The following GALNT9 variants were observed in gnomAD, a reference collection of about 807,000 sequenced individuals.
The protein encoded by GALNT9 is GalNAc transferase 9.
Under a neutral mutation model 63.1 loss-of-function variants are expected in GALNT9, and 47 were observed. That is an observed-to-expected ratio of 0.75 (90% CI 0.59 to 0.95). The LOEUF (loss-of-function observed/expected upper bound fraction) is 0.95, where lower values mean the gene tolerates loss of function less well. Among genes scored for constraint, GALNT9 ranks in the 40% least tolerant of loss-of-function variants. The pLI is 0.00. For missense variants in GALNT9, 829 were observed against 874.8 expected (o/e 0.95, Z 0.66); for synonymous variants, 396 against 365.7 (o/e 1.08, Z -0.94).
intron 5 of GALNT9, among the ~76,000 whole-genome samples, chr12:132,254,028 T>G (rs1317369094): frequency 6.6e-6 from 1 of 151,588 alleles, no homozygotes. Context: ...GTTTTTTCTT[T>G]TTTTTTTTTT....
intron 2 of GALNT9, 88 bp from the exon 3 acceptor site, chr12:132,262,713 C>T (rs1555239897): frequency 6.9e-7 from 1 of 1,449,768 alleles, no homozygotes; most frequent in African/African-American, 1.4e-5. Flanking sequence ...CTGCAGGAGA[C>T]ACGGTTTGGG....
chr12:132,241,439 C>A (rs2136901448), intron 6 of GALNT9, among the ~76,000 whole-genome samples: 40 of 19,704 alleles, frequency 2.0e-3, no homozygotes, highest in East Asian at 3.4e-3. Flanking sequence ...CACGCCACAC[C>A]CCCTTCCCGG....
At position 132,286,141 on chromosome 12, in the gene GALNT9, GCC is replaced by G. The variant is rs1880577829; in HGVS notation, c.419+107_419+108del. On this transcript the variant is annotated intron_variant, in intron 2 of 10. Transcript: ENST00000328957. This position sits in a 1 kb window ranked among gnomAD's most constrained non-coding sequence, Gnocchi z 7.4. ...GGTCACTTCCCTGGCGGGCGTGGGG[GCC>G]GCTCACTTCCCCGGCCGGCGTGGGG... 7 of 1,312,326 alleles carry G rather than the reference GCC, an allele frequency of 5.3e-6. No homozygotes were observed. The highest frequency in any genetic ancestry group is 2.9e-5 in the Admixed American group (1 of 34,814). The allele number at this position is 1,312,326 out of a possible 1,614,324, so 81.3% of individuals were successfully genotyped here. A position where few individuals can be genotyped will look rare whatever the true frequency, so the allele number is the denominator to read the frequency against.
intron 6 of GALNT9, among the ~76,000 whole-genome samples, chr12:132,219,180 T>C (rs1877336435): frequency 6.6e-6 from 1 of 152,094 alleles, no homozygotes; most frequent in Admixed American, 6.5e-5. Flanking sequence ...TTTTCTGTGA[T>C]TGCTTCTGTC....
At chr12:132,258,417 G>A (rs1449217111) in intron 4 of GALNT9, among the ~76,000 whole-genome samples, 2 of 152,248 alleles carry the variant, frequency 1.3e-5, no homozygotes, top group Admixed American at 6.5e-5. Context: ...GGTGTGGGAT[G>A]AAAAGCCACC....
chr12:132,228,138 G>A (rs935549006), intron 6 of GALNT9, among the ~76,000 whole-genome samples: 1 of 152,078 alleles, frequency 6.6e-6, no homozygotes, highest in African/African-American at 2.4e-5. Flanking sequence ...ACAAGCCCTT[G>A]GACAAAGCAG....
intron 1 of GALNT9, among the ~76,000 whole-genome samples, chr12:132,292,717 C>G (rs924567424): frequency 6.6e-6 from 1 of 152,108 alleles, no homozygotes; most frequent in Non-Finnish European, 1.5e-5. Context: ...GCGGGGCGTG[C>G]GAAGGAGGCA....
rs1880581888 is a variant in GALNT9 at position 132,286,212 on chromosome 12, G to A, written c.419+38C>T. On this transcript the variant is annotated intron_variant, in intron 2 of 10. Transcript: ENST00000328957. The surrounding 1 kb of genome is among the most constrained non-coding windows in gnomAD (Gnocchi z 7.4). ...CAGTGTGGGGGGCGGTCACTTCCTC[G>A]GCGGGCGTCGGGGGATGGGGGGCAG... The A allele has an allele frequency of 3.3e-6, 5 of 1,526,988 alleles. No individual in the cohort carries two copies. The highest frequency in any genetic ancestry group is 1.4e-5 in the African/African-American group (1 of 72,368). The allele number at this position is 1,526,988 out of a possible 1,614,324, so 94.6% of individuals were successfully genotyped here.
chr12:132,280,508 G>A (rs1284885401), intron 2 of GALNT9: 1 of 152,278 alleles, frequency 6.6e-6, no homozygotes, highest in African/African-American at 2.4e-5. Context: ...GTGTCCAGAA[G>A]GGGCCCGCGT....
intron 1 of GALNT9, among the ~76,000 whole-genome samples, chr12:132,287,208 G>A (rs1555242301): frequency 6.6e-6 from 1 of 152,136 alleles, no homozygotes; most frequent in African/African-American, 2.4e-5. Flanking sequence ...GGCAGCATTG[G>A]CTCATCGACA....
chr12:132,301,639 C>T (rs1593114287), intron 1 of GALNT9, among the ~76,000 whole-genome samples: 1 of 152,262 alleles, frequency 6.6e-6, no homozygotes, highest in Non-Finnish European at 1.5e-5. Flanking sequence ...CATGTGGACA[C>T]ATTCAGGTTG....
chr12:132,228,616 C>T (rs930522157), intron 6 of GALNT9, among the ~76,000 whole-genome samples: 5 of 152,044 alleles, frequency 3.3e-5, no homozygotes, highest in African/African-American at 9.7e-5. Context: ...CGGCCCCAGA[C>T]GTTCTGATGC....
chr12:132,303,966 G>C (rs188555944), intron 1 of GALNT9, among the ~76,000 whole-genome samples: 144 of 11,098 alleles, frequency 0.013, 2 homozygotes, highest in Middle Eastern at 0.071. Flanking sequence ...CCTGGGCACA[G>C]CCTCACCGGG....
At chr12:132,243,857 A>G (rs1593081187) in intron 6 of GALNT9, among the ~76,000 whole-genome samples, 1 of 151,704 alleles carries the variant, frequency 6.6e-6, no homozygotes, top group Non-Finnish European at 1.5e-5. Context: ...CCGGCCAATC[A>G]CCCGTCAATC....
intron 1 of GALNT9, among the ~76,000 whole-genome samples, chr12:132,306,967 C>T (rs954281202): frequency 6.6e-6 from 1 of 151,924 alleles, no homozygotes; most frequent in Non-Finnish European, 1.5e-5. Flanking sequence ...GGGAGCGTGG[C>T]GGGGAATCTG....
At chr12:132,259,523 C>T (rs1327966059) in intron 4 of GALNT9, among the ~76,000 whole-genome samples, 3 of 152,166 alleles carry the variant, frequency 2.0e-5, no homozygotes, top group Admixed American at 6.5e-5. Flanking sequence ...GAGGAGGCAG[C>T]GTCTTGTCAG....
chr12:132,290,389 G>A (rs371727165), intron 1 of GALNT9, among the ~76,000 whole-genome samples: 19 of 152,268 alleles, frequency 1.2e-4, no homozygotes, highest in Admixed American at 3.3e-4. Flanking sequence ...AAGCGAGGCC[G>A]TCCCAACGCG....
chr12:132,241,927 ACC>A (rs1320371686), intron 6 of GALNT9, among the ~76,000 whole-genome samples: 34 of 4,930 alleles, frequency 6.9e-3, no homozygotes, highest in Non-Finnish European at 0.01. Flanking sequence ...TTACACACAC[ACC>A]ACACCCCCTT....
rs1880571370 is a variant in GALNT9 at position 132,286,063 on chromosome 12, C to T, written c.419+187G>A. Reference sequence around the variant, plus strand: ...TCCCCGGCCAGCACGGGGGAGCGCTCACTTTCCCGGCCAGCGTGGGGGGCG... The same window carrying T: ...TCCCCGGCCAGCACGGGGGAGCGCTTACTTTCCCGGCCAGCGTGGGGGGCG... On this transcript the variant is annotated intron_variant, in intron 2 of 10. Coordinates refer to ENST00000328957, the MANE Select transcript of GALNT9 (RefSeq NM_001122636.2). This position sits in a 1 kb window ranked among gnomAD's most constrained non-coding sequence, Gnocchi z 7.4. Among the ~76,000 whole-genome samples the T allele has an allele frequency of 6.6e-6, 1 of 151,920 alleles. No individual in the cohort carries two copies. Among genetic ancestry groups the T allele is most frequent in the Non-Finnish European group, 1.5e-5 (1 of 67,942 alleles).
Sources: gnomAD v4.1 joint callset for allele counts (sites outside exome capture counted in the v4.1 genomes callset) on GRCh38, gnomAD v4.1.1 for gene constraint, Gnocchi (gnomAD v3.1) non-coding constraint, MANE v1.5 for transcripts, NCBI Gene and HGNC (gene_info 2026-07-23, HGNC 2026-07-21) for gene names.